The following GPC5 variants were observed in gnomAD, a reference collection of about 807,000 sequenced individuals.
GPC5 encodes the protein glypican 5, also known as glypican-5.
In GPC5, 47 loss-of-function variants were observed where a neutral mutation model predicts 53.9. The observed-to-expected ratio is 0.87, with a 90% CI of 0.69 to 1.11. The LOEUF (loss-of-function observed/expected upper bound fraction) is 1.11, where lower values mean the gene tolerates loss of function less well. Among genes scored for constraint, GPC5 ranks in the 50% most tolerant of loss-of-function variants. The pLI is 0.00. For missense variants in GPC5, 748 were observed against 713.1 expected, an observed-to-expected ratio of 1.05 and a Z score of -0.56; for synonymous variants, 286 against 263.3, an observed-to-expected ratio of 1.09 and a Z score of -0.84.
chr13:92,272,638 C>A (rs151093187), intron 7 of GPC5, among the ~76,000 whole-genome samples: 1 of 152,020 alleles, frequency 6.6e-6, no homozygotes, highest in Non-Finnish European at 1.5e-5. Flanking sequence ...AAAAGTTCAA[C>A]CCGGGCCTGG....
intron 5 of GPC5, among the ~76,000 whole-genome samples, chr13:91,846,234 A>G (rs1384399463): frequency 1.3e-5 from 2 of 152,052 alleles, no homozygotes; most frequent in Non-Finnish European, 2.9e-5. Flanking sequence ...CCAGATTCTA[A>G]TATACAGTCA....
At chr13:92,848,704 C>A (rs888655733) in intron 7 of GPC5, among the ~76,000 whole-genome samples, 4 of 152,012 alleles carry the variant, frequency 2.6e-5, no homozygotes, top group African/African-American at 2.4e-5. Context: ...GAAACACACA[C>A]ACTTGGGTAA....
chr13:92,129,458 G>A (rs554248863), intron 6 of GPC5, among the ~76,000 whole-genome samples: 2 of 152,240 alleles, frequency 1.3e-5, no homozygotes, highest in East Asian at 1.9e-4. Context: ...AGCATGATAC[G>A]AAAAATGTCT....
intron 7 of GPC5, among the ~76,000 whole-genome samples, chr13:92,399,137 T>C (rs537231019): frequency 4.6e-5 from 7 of 152,326 alleles, no homozygotes; most frequent in Non-Finnish European, 1.0e-4. Flanking sequence ...GTCCCACATG[T>C]TTACTTGTTT....
intron 5 of GPC5, among the ~76,000 whole-genome samples, chr13:91,757,515 C>T (rs2037320962): frequency 6.6e-6 from 1 of 152,036 alleles, no homozygotes; most frequent in South Asian, 2.1e-4. Flanking sequence ...GGGATGGTTT[C>T]CCCGATCCTG....
intron 7 of GPC5, among the ~76,000 whole-genome samples, chr13:92,692,129 TTATC>T (rs1887419101): frequency 6.6e-6 from 1 of 152,152 alleles, no homozygotes; most frequent in South Asian, 2.1e-4. Context: ...ATTACTGTAT[TTATC>T]TATCTGTTTC....
chr13:91,877,970 G>A (rs551370997), intron 5 of GPC5, among the ~76,000 whole-genome samples: 17 of 152,156 alleles, frequency 1.1e-4, no homozygotes, highest in South Asian at 6.2e-4. Context: ...AGGAGTTTTC[G>A]CTTTTGCTTC....
At chr13:92,739,376 T>C (rs1013269946) in intron 7 of GPC5, among the ~76,000 whole-genome samples, 13 of 152,022 alleles carry the variant, frequency 8.6e-5, no homozygotes, top group Non-Finnish European at 1.6e-4. Flanking sequence ...AATGTAAAGG[T>C]AGAGGCTGCC....
chr13:92,578,339 T>C (rs1262896724), intron 7 of GPC5, among the ~76,000 whole-genome samples: 1 of 152,168 alleles, frequency 6.6e-6, no homozygotes, highest in East Asian at 1.9e-4. Context: ...TTGAATAGGA[T>C]GGTGTATTAA....
chr13:91,697,790 A>C (rs2035910989), intron 3 of GPC5, among the ~76,000 whole-genome samples: 1 of 152,182 alleles, frequency 6.6e-6, no homozygotes, highest in Admixed American at 6.5e-5. Context: ...AGGCATAAGA[A>C]CATAGAGTCT....
chr13:92,057,186 T>A (rs2041081675), intron 6 of GPC5, among the ~76,000 whole-genome samples: 1 of 152,152 alleles, frequency 6.6e-6, no homozygotes, highest in Admixed American at 6.5e-5. Flanking sequence ...ATAGAAGCCA[T>A]CTACCATGTA....
At chr13:91,753,693 A>G (rs1594523824) in intron 4 of GPC5, among the ~76,000 whole-genome samples, 1 of 152,236 alleles carries the variant, frequency 6.6e-6, no homozygotes, top group African/African-American at 2.4e-5. Flanking sequence ...TCTTCTTACC[A>G]TTTTACCATA....
At chr13:91,923,039 A>G (rs2039731919) in intron 6 of GPC5, among the ~76,000 whole-genome samples, 1 of 152,136 alleles carries the variant, frequency 6.6e-6, no homozygotes, top group Admixed American at 6.6e-5. Context: ...GTTATCTATT[A>G]TTTTTAAAAC....
intron 5 of GPC5, among the ~76,000 whole-genome samples, chr13:91,894,018 T>C (rs1566327762): frequency 1.3e-5 from 2 of 152,084 alleles, no homozygotes; most frequent in Admixed American, 1.3e-4. Flanking sequence ...TATAAATATA[T>C]TATTGCTCTG....
intron 6 of GPC5, among the ~76,000 whole-genome samples, chr13:92,011,551 A>ATGGC (rs2040661689): frequency 6.6e-6 from 1 of 152,144 alleles, no homozygotes; most frequent in Non-Finnish European, 1.5e-5. Flanking sequence ...TTAGTCCCAG[A>ATGGC]TCTGCCTCTG....
chr13:91,626,811 C>T (rs1414685857), intron 2 of GPC5, among the ~76,000 whole-genome samples: 1 of 151,904 alleles, frequency 6.6e-6, no homozygotes, highest in Non-Finnish European at 1.5e-5. Context: ...TAATGCTATC[C>T]CTCCCCATTC....
intron 7 of GPC5, among the ~76,000 whole-genome samples, chr13:92,299,799 T>A (rs1200727169): frequency 2.0e-5 from 3 of 152,200 alleles, no homozygotes; most frequent in Non-Finnish European, 4.4e-5. Context: ...TGAGTTTTAT[T>A]GTAGAAAGTG....
intron 7 of GPC5, among the ~76,000 whole-genome samples, chr13:92,517,448 A>G (rs1006981513): frequency 6.6e-6 from 1 of 152,206 alleles, no homozygotes; most frequent in Non-Finnish European, 1.5e-5. Context: ...GTAGGGGCAG[A>G]CTGACACCTC....
intron 7 of GPC5, among the ~76,000 whole-genome samples, chr13:92,644,905 T>A (rs1342413963): frequency 6.6e-6 from 1 of 151,766 alleles, no homozygotes; most frequent in Non-Finnish European, 1.5e-5. Flanking sequence ...GAGGTGAGAT[T>A]GCATGAAAAA....
Sources: gnomAD v4.1 joint callset for allele counts (sites outside exome capture counted in the v4.1 genomes callset) on GRCh38, gnomAD v4.1.1 for gene constraint, MANE v1.5 for transcripts, NCBI Gene and HGNC (gene_info 2026-07-23, HGNC 2026-07-21) for gene names.